Variants in PKD1L1 observed in about 807,000 individuals in gnomAD.
PKD1L1 encodes the protein polycystin-1-like protein 1.
Under a neutral mutation model 323.4 loss-of-function variants are expected in PKD1L1, and 236 were observed. The ratio of observed to expected loss-of-function variants is 0.73; its 90% CI spans 0.66 to 0.81. PKD1L1 has a LOEUF of 0.81. PKD1L1 is among the 40% of genes least tolerant of loss of function. PKD1L1 has a pLI of 0.00. For synonymous variants in PKD1L1, 1,344 were observed against 1,335.0 expected (o/e 1.01, Z -0.15); for missense variants, 3,320 against 3,508.0 (o/e 0.95, Z 1.35).
chr7:47,836,143 A>G (rs2128736642), intron 37 of PKD1L1, among the ~76,000 whole-genome samples: 1 of 151,438 alleles, frequency 6.6e-6, no homozygotes, highest in East Asian at 1.9e-4. Flanking sequence ...CTTTTTACAA[A>G]TTCTGTGCGC....
At chr7:47,876,006 C>G (rs975470087) in intron 23 of PKD1L1, 91 bp downstream of exon 23, 1 of 1,415,602 alleles carries the variant, frequency 7.1e-7, no homozygotes, top group African/African-American at 1.4e-5. Flanking sequence ...ATTTTATTTT[C>G]TAGACACAGT....
At chr7:47,960,705 A>C in the PKD1L1 span, among the ~76,000 whole-genome samples, 3 of 151,762 alleles carry the variant, frequency 2.0e-5, no homozygotes, top group Non-Finnish European at 4.4e-5. Context: ...AAAAAAAAAA[A>C]ACATGGTCAA....
intron 25 of PKD1L1, among the ~76,000 whole-genome samples, chr7:47,865,671 T>C (rs1006696902): frequency 6.6e-6 from 1 of 151,788 alleles, no homozygotes; most frequent in Non-Finnish European, 1.5e-5. Context: ...CTGCAAGCTC[T>C]GCCTCCCGGG....
rs1296735098 is a variant in PKD1L1 at position 47,775,125 on chromosome 7, T to G, written c.*18A>C. 1 of 1,613,818 alleles carries G rather than the reference T, an allele frequency of 6.2e-7. No individual in the cohort carries two copies. Among genetic ancestry groups the G allele is most frequent in the South Asian group, 1.1e-5 (1 of 91,014 alleles). Reference sequence around the variant, plus strand: ...AGCAAAACAGGGTCCATAGTGCCTATGCAAGGTACCAGGCTCCTCAGAAGT... The same window carrying G: ...AGCAAAACAGGGTCCATAGTGCCTAGGCAAGGTACCAGGCTCCTCAGAAGT... On this transcript the variant is annotated 3_prime_UTR_variant, in exon 57 of 57. Coordinates refer to ENST00000289672, the MANE Select transcript of PKD1L1 (RefSeq NM_138295.5).
chr7:47,843,240 A>G (rs1204487918), intron 33 of PKD1L1, 71 bp from the exon 34 acceptor site: 12 of 1,184,178 alleles, frequency 1.0e-5, no homozygotes, highest in Admixed American at 6.9e-5. Context: ...ACTGATTGCC[A>G]CCCCTAGCCC....
At chr7:47,821,558 C>G (rs1401748422) in intron 45 of PKD1L1, among the ~76,000 whole-genome samples, 3 of 152,026 alleles carry the variant, frequency 2.0e-5, no homozygotes, top group African/African-American at 7.2e-5. Flanking sequence ...CGTGAGTCAC[C>G]ATGCCGGGCC....
chr7:47,895,571 T>C (rs1244934434), intron 14 of PKD1L1, among the ~76,000 whole-genome samples: 2 of 152,182 alleles, frequency 1.3e-5, no homozygotes, highest in Admixed American at 6.5e-5. Context: ...ATAGGAGTTA[T>C]GGATATCTAT....
intron 46 of PKD1L1, among the ~76,000 whole-genome samples, chr7:47,820,582 C>T (rs1317391251): frequency 2.0e-5 from 3 of 152,138 alleles, no homozygotes; most frequent in Non-Finnish European, 4.4e-5. Flanking sequence ...AAAAAATTAG[C>T]CAAGCGTGGT....
chr7:47,855,292 CA>C (rs1327939642), intron 28 of PKD1L1, 27 bp from the exon 29 acceptor site: 2 of 1,549,112 alleles, frequency 1.3e-6, no homozygotes, highest in Admixed American at 1.7e-5. Context: ...CATCTCAGAG[CA>C]AATGACAGCA....
chr7:47,799,306 TA>T (rs2128725467), intron 54 of PKD1L1, among the ~76,000 whole-genome samples: 1 of 152,266 alleles, frequency 6.6e-6, no homozygotes, highest in African/African-American at 2.4e-5. Flanking sequence ...GGATCATTGA[TA>T]AAAGCAAAGG....
At chr7:47,928,378 G>A (rs1364485860) in intron 7 of PKD1L1, among the ~76,000 whole-genome samples, 3 of 152,140 alleles carry the variant, frequency 2.0e-5, no homozygotes, top group Non-Finnish European at 2.9e-5. Context: ...GGACCAGCTA[G>A]GCCAACATAG....
chr7:47,803,300 T>C lies in PKD1L1; in HGVS notation c.7872A>G (p.Leu2624=). 1 of 1,614,170 alleles carries C rather than the reference T, an allele frequency of 6.2e-7. No individual in the cohort carries two copies. Among genetic ancestry groups the C allele is most frequent in the Non-Finnish European group, 8.5e-7 (1 of 1,180,034 alleles). ...LRGILLFLFT[L]KCVYLPGIQN... is the part of the protein sequence containing the mutation. ...GAATGCCAGGAAGATAGACGCATTT[T>C]AATGTGAAGAGGAATAAGAGGATTC... Residue 2624 remains leucine, a synonymous_variant, in exon 53 of 57, where the codon TTA becomes TTG. Transcript: ENST00000289672.
chr7:47,882,951 C>T (rs1343578422), intron 19 of PKD1L1, among the ~76,000 whole-genome samples: 3 of 152,200 alleles, frequency 2.0e-5, no homozygotes, highest in Non-Finnish European at 2.9e-5. Context: ...GGAGTCGCTG[C>T]ACTTCACTTA....
chr7:47,844,911 C>T, intron 33 of PKD1L1, 84 bp downstream of exon 33: 9 of 1,115,672 alleles, frequency 8.1e-6, no homozygotes, highest in South Asian at 1.6e-5. Context: ...ATTTCAAGCA[C>T]CCCCGGAATT....
At chr7:47,796,215 C>T (rs1046774964) in intron 54 of PKD1L1, 65 bp from the exon 55 acceptor site, 12 of 1,347,262 alleles carry the variant, frequency 8.9e-6, no homozygotes, top group East Asian at 4.6e-5. Context: ...GCTTTGTTAA[C>T]GTGATAAACT....
At chr7:47,869,322 G>C (rs1268331654) in intron 24 of PKD1L1, among the ~76,000 whole-genome samples, 1 of 152,146 alleles carries the variant, frequency 6.6e-6, no homozygotes, top group African/African-American at 2.4e-5. Context: ...GGCAGAGATT[G>C]TAAGACTATA....
At chr7:47,948,774 ATG>A (rs1274170625), upstream of PKD1L1, among the ~76,000 whole-genome samples, 1 of 152,188 alleles carries the variant, frequency 6.6e-6, no homozygotes, top group African/African-American at 2.4e-5. Context: ...CCTGGCCAAT[ATG>A]GTGAAACCCC....
intron 6 of PKD1L1, among the ~76,000 whole-genome samples, chr7:47,930,404 C>A (rs1787744316): frequency 6.6e-6 from 1 of 151,984 alleles, no homozygotes; most frequent in Non-Finnish European, 1.5e-5. Context: ...ACTTGGGAGG[C>A]TGAGGCAAGA....
intron 53 of PKD1L1, 34 bp downstream of exon 53, chr7:47,803,176 A>G (rs769290303): frequency 6.2e-7 from 1 of 1,612,930 alleles, no homozygotes; most frequent in East Asian, 2.2e-5. Flanking sequence ...ATGGTTTACA[A>G]GGGAAATCAC....
Sources: gnomAD v4.1 joint callset for allele counts (sites outside exome capture counted in the v4.1 genomes callset) on GRCh38, gnomAD v4.1.1 for gene constraint, MANE v1.5 for transcripts, NCBI Gene and HGNC (gene_info 2026-07-23, HGNC 2026-07-21) for gene names.